ZNF578: variants seen among roughly 807,000 people sequenced by gnomAD.
The protein encoded by ZNF578 is zinc finger protein 578, also known as Putative chemokine-related protein B42.
ZNF578 carries 8 observed loss-of-function variants against 8.3 expected under a neutral mutation model. That is an observed-to-expected ratio of 0.96 (90% CI 0.56 to 1.74). The LOEUF (loss-of-function observed/expected upper bound fraction) is 1.74. Ranked by LOEUF, ZNF578 falls within the 40% of genes most tolerant of loss-of-function variation. The pLI is 0.00. For missense variants in ZNF578, 726 were observed against 707.5 expected (o/e 1.03, Z -0.30); for synonymous variants, 206 against 232.2 (o/e 0.89, Z 1.03).
In ZNF578 at chr19:52,504,635, A is replaced by G. The variant is rs1451621714; in HGVS notation, c.64-20A>G. 6.2e-7 allele frequency: 1 copy of G among 1,613,608 alleles called. No homozygotes were observed. Among genetic ancestry groups the G allele is most frequent in the East Asian group, 2.2e-5 (1 of 44,864 alleles). Reference sequence around the variant, plus strand: ...CTCAATCCTCCATAATGTTTTGTTGAAATGTGTGTTTCATTTTAGGGACGC... The same window carrying G: ...CTCAATCCTCCATAATGTTTTGTTGGAATGTGTGTTTCATTTTAGGGACGC... On this transcript the variant is annotated intron_variant, in intron 4 of 5. Transcript: ENST00000421239.
chr19:52,507,537 A>C (rs907922534), intron 5 of ZNF578, among the ~76,000 whole-genome samples: 1 of 152,176 alleles, frequency 6.6e-6, no homozygotes, highest in African/African-American at 2.4e-5. Flanking sequence ...CTCAGTCTCA[A>C]AAACAGACAA....
intron 2 of ZNF578, among the ~76,000 whole-genome samples, chr19:52,461,091 G>A (rs552705843): frequency 5.3e-5 from 8 of 152,290 alleles, no homozygotes; most frequent in African/African-American, 1.7e-4. Flanking sequence ...AGCAGCTCCA[G>A]CTAGGATGTC....
At chr19:52,501,627 G>A (rs1010294351) in intron 3 of ZNF578, among the ~76,000 whole-genome samples, 200 bp from the exon 4 acceptor site, 2 of 152,056 alleles carry the variant, frequency 1.3e-5, no homozygotes, top group African/African-American at 4.8e-5. Context: ...CCAGGAGGGG[G>A]GCGAGATCTG....
chr19:52,475,076 T>G (rs1328606067), intron 2 of ZNF578: 1 of 184,372 alleles, frequency 5.4e-6, no homozygotes, highest in Non-Finnish European at 1.2e-5. Context: ...CTCTCCTATA[T>G]GAATTCTGTG....
chr19:52,479,092 G>A (rs1003558351), intron 2 of ZNF578, among the ~76,000 whole-genome samples: 5 of 151,962 alleles, frequency 3.3e-5, no homozygotes, highest in Non-Finnish European at 7.4e-5. Flanking sequence ...GGAAACCATG[G>A]GTTATGCATG....
Position 52,510,610 on chromosome 19 carries a change from A to G in ZNF578, c.229A>G (p.Thr77Ala). The change falls in exon 6 of 6, where the codon ACA (threonine) becomes GCA (alanine). Residue 77 changes from threonine (T) to alanine (A), a missense_variant. By Grantham distance (58) the Thr-to-Ala change is moderately conservative. Transcript: ENST00000421239. Reference protein sequence around the residue: ...SKRMMKEVLSTGQGNTEVIHT... With the variant: ...SKRMMKEVLSAGQGNTEVIHT... The stretch of plus-strand genomic sequence containing the variant: ...ACGCATGATGAAGGAGGTCTTGTCA[A>G]CAGGGCAAGGCAATACAGAAGTGAT... 1.9e-6 allele frequency: 3 copies of G among 1,557,972 alleles called. No homozygotes were observed. The highest frequency in any genetic ancestry group is 1.4e-5 in the African/African-American group (1 of 72,644).
intron 2 of ZNF578, among the ~76,000 whole-genome samples, chr19:52,466,077 C>T (rs765663837): frequency 2.6e-5 from 4 of 152,230 alleles, no homozygotes; most frequent in Admixed American, 6.5e-5. Context: ...CTCTGGTCTC[C>T]ACACTATTGT....
At chr19:52,457,498 CG>C (rs1268168036) in intron 2 of ZNF578, 1 of 152,076 alleles carries the variant, frequency 6.6e-6, no homozygotes, top group African/African-American at 2.4e-5. Context: ...AAGAGGGGGT[CG>C]TGTGAACCCC....
intron 3 of ZNF578, among the ~76,000 whole-genome samples, chr19:52,494,209 G>A (rs927201156): frequency 6.6e-5 from 10 of 152,180 alleles, no homozygotes; most frequent in East Asian, 3.9e-4. Flanking sequence ...AAGAGTGGCT[G>A]GGCGCAGTGG....
At chr19:52,496,607 G>C (rs2059387690) in intron 3 of ZNF578, among the ~76,000 whole-genome samples, 1 of 149,918 alleles carries the variant, frequency 6.7e-6, no homozygotes, top group Admixed American at 6.7e-5. Context: ...GGGATTACAG[G>C]CGTGAGCCAC....
At chr19:52,497,884 T>C (rs2059392493) in intron 3 of ZNF578, among the ~76,000 whole-genome samples, 1 of 152,220 alleles carries the variant, frequency 6.6e-6, no homozygotes, top group Non-Finnish European at 1.5e-5. Context: ...GTCCATAATA[T>C]TCTCTACAGA....
intron 4 of ZNF578, 147 bp downstream of exon 4, chr19:52,502,055 A>T (rs1246393236): frequency 3.2e-6 from 4 of 1,266,044 alleles, no homozygotes; most frequent in Non-Finnish European, 3.3e-6. Context: ...GCACTCACCC[A>T]TGCCTGCCCT....
At chr19:52,508,352 T>TAG (rs35598512) in intron 5 of ZNF578, among the ~76,000 whole-genome samples, 39,018 of 149,516 alleles carry the variant, frequency 0.26, 5,377 homozygotes, top group East Asian at 0.48. Context: ...ACAAAAGAAA[T>TAG]AGAGAGAGAG....
chr19:52,511,502 A>C lies in ZNF578; in HGVS notation c.1121A>C (p.Asn374Thr), dbSNP rs2122992371. Residue 374 changes from asparagine (N) to threonine (T), a missense_variant, in exon 6 of 6, where the codon AAT becomes ACT. Transcript: ENST00000421239. ...LHTGIKPYKC[N>T]ECGKMFGQNS... ...ACTGGAATAAAACCTTACAAGTGTA[A>C]TGAGTGTGGCAAGATGTTTGGTCAA... The C allele has an allele frequency of 6.2e-7, 1 of 1,613,812 alleles. No homozygotes were observed. The highest frequency in any genetic ancestry group is 2.2e-5 in the East Asian group (1 of 44,874).
chr19:52,453,799 G>C (rs2059229725), intron 1 of ZNF578, 192 bp downstream of exon 1: 1 of 133,448 alleles, frequency 7.5e-6, no homozygotes, highest in Admixed American at 8.2e-5. Flanking sequence ...CTCTGCCTTC[G>C]GGCCACGTAG....
chr19:52,454,892 G>A (rs2059234492), intron 1 of ZNF578: 1 of 151,098 alleles, frequency 6.6e-6, no homozygotes, highest in Admixed American at 6.6e-5. Flanking sequence ...TTGACCAGAA[G>A]TAAAGTATCC....
chr19:52,467,259 C>T (rs1025552803), intron 2 of ZNF578, among the ~76,000 whole-genome samples: 1 of 152,084 alleles, frequency 6.6e-6, no homozygotes, highest in Non-Finnish European at 1.5e-5. Flanking sequence ...GATCTGCTGG[C>T]CTCAGCCTCC....
At chr19:52,476,760 C>CA (rs1219610568) in intron 2 of ZNF578, among the ~76,000 whole-genome samples, 1 of 152,196 alleles carries the variant, frequency 6.6e-6, no homozygotes, top group African/African-American at 2.4e-5. Flanking sequence ...CTCCTACTCC[C>CA]ACTAGGGATG....
intron 2 of ZNF578, among the ~76,000 whole-genome samples, chr19:52,459,535 T>C (rs1443204893): frequency 1.3e-5 from 2 of 151,198 alleles, no homozygotes; most frequent in Admixed American, 1.3e-4. Context: ...TTCTTGGCTA[T>C]TGTATATAAT....
Sources: allele counts gnomAD v4.1 joint callset (sites outside exome capture counted in the v4.1 genomes callset), GRCh38; gene constraint gnomAD v4.1.1; transcripts MANE v1.5; gene names NCBI Gene and HGNC (gene_info 2026-07-23, HGNC 2026-07-21).